CTNNB1: variants seen among roughly 807,000 people sequenced by gnomAD.
CTNNB1 encodes the protein catenin beta-1.
In CTNNB1, 6 loss-of-function variants were observed where a neutral mutation model predicts 82.5. The observed-to-expected ratio is 0.07, with a 90% CI of 0.04 to 0.14. The LOEUF is 0.14. CTNNB1 is among the 10% of genes least tolerant of loss of function. The pLI is 1.00. For missense variants in CTNNB1, 529 were observed against 980.4 expected (o/e 0.54, Z 6.15); for synonymous variants, 312 against 329.7 (o/e 0.95, Z 0.58).
At chr3:41,223,445 T>C (rs2078099483) in intron 1 of CTNNB1, among the ~76,000 whole-genome samples, 1 of 152,198 alleles carries the variant, frequency 6.6e-6, no homozygotes, top group Admixed American at 6.5e-5. Context: ...GGTGCTTTTG[T>C]GTTGCAAACT....
rs1214271613 is a variant in CTNNB1, at chr3:41,225,601, C to A, written c.734+29C>A. On this transcript the variant is annotated intron_variant, in intron 5 of 14. Transcript: ENST00000349496. The surrounding 1 kb of genome is among the most constrained non-coding windows in gnomAD (Gnocchi z 5.3). ...AGAAAACATGTCAGAATGCTTGAAG[C>A]TAAAAAGTAGAAGAGTATACTCACA... 19 of 1,613,832 alleles carry A rather than the reference C, an allele frequency of 1.2e-5. No individual in the cohort carries two copies. Among genetic ancestry groups the A allele is most frequent in the Non-Finnish European group, 1.6e-5 (19 of 1,179,726 alleles).
chr3:41,224,230 C>A, intron 2 of CTNNB1, 149 bp downstream of exon 2: 1 of 997,598 alleles, frequency 1.0e-6, no homozygotes, highest in Non-Finnish European at 1.6e-6. Context: ...CTCCTAATGG[C>A]TTGGTGAAAT....
At chr3:41,219,841 G>A (rs1449644729) in intron 1 of CTNNB1, among the ~76,000 whole-genome samples, 1 of 152,184 alleles carries the variant, frequency 6.6e-6, no homozygotes, top group East Asian at 1.9e-4. Flanking sequence ...ATGCAAAGGT[G>A]TTTATTGCAG....
chr3:41,201,457 A>G (rs1358017948), intron 1 of CTNNB1, among the ~76,000 whole-genome samples: 1 of 152,192 alleles, frequency 6.6e-6, no homozygotes, highest in Non-Finnish European at 1.5e-5. Flanking sequence ...TTTGTTCTGA[A>G]GGCCGTGTAC....
At chr3:41,209,039 G>C (rs566250367) in intron 1 of CTNNB1, among the ~76,000 whole-genome samples, 3 of 152,276 alleles carry the variant, frequency 2.0e-5, no homozygotes, top group South Asian at 4.1e-4. Flanking sequence ...CACTTAATCT[G>C]TTAGTAGTAT....
At chr3:41,209,537 C>T (rs772358800) in intron 1 of CTNNB1, among the ~76,000 whole-genome samples, 1 of 152,128 alleles carries the variant, frequency 6.6e-6, no homozygotes, top group African/African-American at 2.4e-5. Context: ...AATAAAGTCA[C>T]GTGTCATTTT....
intron 1 of CTNNB1, among the ~76,000 whole-genome samples, chr3:41,200,676 G>C (rs2077508366): frequency 6.6e-6 from 1 of 152,232 alleles, no homozygotes; most frequent in Non-Finnish European, 1.5e-5. Context: ...TGGAATTCAA[G>C]CATTGCAACT....
At chr3:41,213,589 T>C (rs1012797471) in intron 1 of CTNNB1, among the ~76,000 whole-genome samples, 4 of 152,216 alleles carry the variant, frequency 2.6e-5, no homozygotes, top group Non-Finnish European at 4.4e-5. Flanking sequence ...GTCTGTACAT[T>C]GTATTTATGC....
At chr3:41,208,892 GTC>G (rs1473972010) in intron 1 of CTNNB1, among the ~76,000 whole-genome samples, 1 of 151,942 alleles carries the variant, frequency 6.6e-6, no homozygotes, top group Non-Finnish European at 1.5e-5. Flanking sequence ...TTTTTTCTCC[GTC>G]TCTCCTTCCA....
chr3:41,214,234 A>G (rs2077863833), intron 1 of CTNNB1, among the ~76,000 whole-genome samples: 1 of 152,106 alleles, frequency 6.6e-6, no homozygotes, highest in Non-Finnish European at 1.5e-5. Flanking sequence ...TTAAAAATAC[A>G]ATGCCAGGGC....
intron 3 of CTNNB1, 34 bp from the exon 4 acceptor site, chr3:41,224,920 T>G (rs372465029): frequency 1.2e-6 from 2 of 1,613,932 alleles, no homozygotes; most frequent in African/African-American, 2.7e-5. Context: ...AATGCTGAAC[T>G]GTGGATAGTG....
intron 1 of CTNNB1, among the ~76,000 whole-genome samples, chr3:41,205,367 G>A (rs2077625884): frequency 6.6e-6 from 1 of 152,302 alleles, no homozygotes; most frequent in East Asian, 1.9e-4. Flanking sequence ...CAGTTAAATC[G>A]ATTTTGGTTA....
rs1002413521 is a variant in CTNNB1, at chr3:41,240,359, AGTT to A, written c.*1023_*1025del. The A allele has an allele frequency of 4.3e-4, 80 of 187,942 alleles. No individual in the cohort carries two copies. The highest frequency in any genetic ancestry group is 1.9e-3 in the Middle Eastern group (1 of 518). 11.6% of individuals were successfully genotyped at this position (187,942 alleles called of 1,614,324 possible). ...GTTTACCAGTTGCCTTTTATCCCAAAGTTGTTGTAACCTGCTGTGATACGATGC... is the reference window on the plus strand; with the variant it reads ...GTTTACCAGTTGCCTTTTATCCCAAAGTTGTAACCTGCTGTGATACGATGC... On this transcript the variant is annotated 3_prime_UTR_variant, in exon 15 of 15. Coordinates refer to ENST00000349496, the MANE Select transcript of CTNNB1 (RefSeq NM_001904.4).
intron 1 of CTNNB1, among the ~76,000 whole-genome samples, chr3:41,218,577 T>C (rs1351532701): frequency 6.6e-6 from 1 of 152,208 alleles, no homozygotes; most frequent in Non-Finnish European, 1.5e-5. Flanking sequence ...CTGTTCAGCC[T>C]TATCATACTA....
intron 10 of CTNNB1, chr3:41,235,144 A>G (rs948112545): frequency 6.4e-6 from 1 of 155,652 alleles, no homozygotes; most frequent in Non-Finnish European, 1.4e-5. Flanking sequence ...ATGTAGCAGA[A>G]TAATAACCCC....
chr3:41,202,487 A>G (rs1442243816), intron 1 of CTNNB1, among the ~76,000 whole-genome samples: 1 of 152,174 alleles, frequency 6.6e-6, no homozygotes, highest in African/African-American at 2.4e-5. Context: ...TTTTATTGGA[A>G]CTGTGGTATC....
At position 41,233,838 on chromosome 3, in the gene CTNNB1, C is replaced by A. The variant is rs1009476273; in HGVS notation, c.1495C>A (p.His499Asn). The change falls in exon 9 of 15, where the codon CAC (histidine) becomes AAC (asparagine). Residue 499 changes from histidine to asparagine, a missense_variant. Physicochemically the swap from His to Asn is moderately conservative, Grantham distance 68. This residue lies in a region of CTNNB1 where 411 missense variants were observed against 776.4 expected (regional missense o/e 0.53). Transcript: ENST00000349496. ...ACTACCAGTTGTGGTTAAGCTCTTA[C>A]ACCCACCATCCCACTGGCCTCTGAT... ...YGLPVVVKLL[H>N]PPSHWPLIKA... 6 of 1,613,798 alleles carry A rather than the reference C, an allele frequency of 3.7e-6. No homozygotes were observed. Among genetic ancestry groups the A allele is most frequent in the Non-Finnish European group, 4.2e-6 (5 of 1,179,942 alleles).
intron 1 of CTNNB1, among the ~76,000 whole-genome samples, chr3:41,212,983 C>G (rs868803954): frequency 2.0e-5 from 3 of 152,246 alleles, no homozygotes; most frequent in Middle Eastern, 3.4e-3. Flanking sequence ...TTCCTGTTCT[C>G]TTCTAGTTTT....
rs1423029449 is a variant in CTNNB1 at position 41,239,118 on chromosome 3, A to T, written c.2138-16A>T. 6.2e-7 allele frequency: 1 copy of T among 1,610,442 alleles called. No individual in the cohort carries two copies. Among genetic ancestry groups the T allele is most frequent in the Non-Finnish European group, 8.5e-7 (1 of 1,177,240 alleles). ...CTTCCTTCTTGCCTATTTTGTTGAC[A>T]CCCTGACTCTTCTAGATCCTAGCTA... On this transcript the variant is annotated splice_polypyrimidine_tract_variant and intron_variant, in intron 14 of 14. Coordinates refer to ENST00000349496, the MANE Select transcript of CTNNB1 (RefSeq NM_001904.4).
Sources: allele counts gnomAD v4.1 joint callset (sites outside exome capture counted in the v4.1 genomes callset), GRCh38; gene constraint gnomAD v4.1.1; regional missense constraint gnomAD v4.1.1; non-coding constraint Gnocchi (gnomAD v3.1); transcripts MANE v1.5; gene names NCBI Gene and HGNC (gene_info 2026-07-23, HGNC 2026-07-21).